Variants in LRP4 observed in about 807,000 individuals in gnomAD.
LRP4 encodes the protein LDL receptor related protein 4.
LRP4 carries 95 observed loss-of-function variants against 220.3 expected under a neutral mutation model. That is an observed-to-expected ratio of 0.43 (90% CI 0.37 to 0.51). The LOEUF is 0.51. LRP4 is among the 20% of genes least tolerant of loss of function. The pLI, the probability that LRP4 is intolerant of heterozygous loss-of-function variation, is 0.00. For missense variants in LRP4, 1,925 were observed against 2,567.0 expected, an observed-to-expected ratio of 0.75 and a Z score of 5.40; for synonymous variants, 903 against 954.6, an observed-to-expected ratio of 0.95 and a Z score of 1.00.
At chr11:46,887,564 G>A (rs1220698770) in intron 16 of LRP4, among the ~76,000 whole-genome samples, 2 of 152,096 alleles carry the variant, frequency 1.3e-5, no homozygotes, top group East Asian at 3.9e-4. Context: ...TGGGCACAGT[G>A]GCTCACGCCT....
In LRP4 at chr11:46,884,761, AT is replaced by A. The variant is rs1357191754; in HGVS notation, c.2507-786del. Among the ~76,000 whole-genome samples, 153 of 115,060 alleles carry A rather than the reference AT, an allele frequency of 1.3e-3. 1 individual carries two copies. The highest frequency in any genetic ancestry group is 4.0e-3 in the African/African-American group (136 of 34,224). The allele number at this position is 115,060 out of a possible 152,430, so 75.5% of individuals were successfully genotyped here. On this transcript the variant is annotated intron_variant, in intron 18 of 37. Coordinates refer to ENST00000378623, the MANE Select transcript of LRP4 (RefSeq NM_002334.4). ...CAAAAAAAAAAAAAAAAAAAAAAAA[AT>A]TAGCTGGGTGTGGTAGTGCACGCCT...
Position 46,869,325 on chromosome 11 carries a change from C to A in LRP4, c.4693-193G>T, listed in dbSNP as rs532099362. Among the ~76,000 whole-genome samples, 123 of 152,334 alleles carry A rather than the reference C, an allele frequency of 8.1e-4. 1 individual carries two copies. Among genetic ancestry groups the A allele is most frequent in the African/African-American group, 2.9e-3 (122 of 41,576 alleles). On this transcript the variant is annotated intron_variant, in intron 31 of 37. Coordinates refer to ENST00000378623, the MANE Select transcript of LRP4 (RefSeq NM_002334.4). ...CCAAATCCATATAGACTTCACCATT[C>A]TCTCCTCTATACAGTTCTGCACCTT...
rs35979071 is a variant in LRP4 at position 46,900,790 on chromosome 11, C to CTT, written c.200-414_200-413dup. ...ACAGGCATGAGCCATGGCGCCTGGC[C>CTT]TTTTTTTTTTTTTTGAAACAGAGTC... On this transcript the variant is annotated intron_variant, in intron 2 of 37. Coordinates refer to ENST00000378623, the MANE Select transcript of LRP4 (RefSeq NM_002334.4). Among the ~76,000 whole-genome samples, 586 of 132,818 alleles carry CTT rather than the reference C, an allele frequency of 4.4e-3. 4 individuals carry two copies. Among genetic ancestry groups the CTT allele is most frequent in the African/African-American group, 0.015 (528 of 36,398 alleles). 87.1% of individuals were successfully genotyped at this position (132,818 alleles called of 152,430 possible).
At position 46,895,936 on chromosome 11, in the gene LRP4, C is replaced by T. The variant is rs1225241249; in HGVS notation, c.1131G>A (p.Gln377=). 9 of 1,613,878 alleles carry T rather than the reference C, an allele frequency of 5.6e-6. No homozygotes were observed. The highest frequency in any genetic ancestry group is 7.6e-6 in the Non-Finnish European group (9 of 1,180,024). The change falls in exon 10 of 38, where the codon CAG becomes CAA. Residue 377 remains glutamine, a synonymous_variant. Transcript: ENST00000378623. ...GCCGGTAGCCTGTGTGGCAGGTACA[C>T]TGCACTGCCCCCCGCACCATCTGGC... The part of the protein sequence containing the change: ...QKCQMVRGAV[Q]CTCHTGYRLT...
Position 46,918,157 on chromosome 11 carries a change from C to T in LRP4, c.52+171G>A, listed in dbSNP as rs1345675823. 6.6e-6 allele frequency among the ~76,000 whole-genome samples: 1 copy of T among 151,964 alleles called. No individual in the cohort carries two copies. Among genetic ancestry groups the T allele is most frequent in the Admixed American group, 6.5e-5 (1 of 15,282 alleles). On this transcript the variant is annotated intron_variant, in intron 1 of 37. Transcript: ENST00000378623. The surrounding 1 kb of genome is among the most constrained non-coding windows in gnomAD (Gnocchi z 6.0). ...GCCTCCGCTGATGCCCCCGCTCGGA[C>T]TGCTGGAGCCGGGGCCGCTCCGGGT...
At chr11:46,904,656 A>C (rs943612302) in intron 1 of LRP4, among the ~76,000 whole-genome samples, 5 of 152,122 alleles carry the variant, frequency 3.3e-5, no homozygotes, top group Non-Finnish European at 7.4e-5. Context: ...ATGCTATGGT[A>C]ATCAGCTGCT....
Position 46,858,801 on chromosome 11 carries a change from T to C in LRP4, c.*182A>G. The C allele has an allele frequency of 1.5e-6, 1 of 662,930 alleles. No homozygotes were observed. 41.1% of individuals were successfully genotyped at this position (662,930 alleles called of 1,614,324 possible). On this transcript the variant is annotated 3_prime_UTR_variant, in exon 38 of 38. Transcript: ENST00000378623. ...ATTCTCGTGATGTGCCATCATTTCT[T>C]GTGCACAGGTAGTTATGGACTCACG...
chr11:46,871,422 A>T, intron 31 of LRP4, 103 bp downstream of exon 31: 1 of 851,454 alleles, frequency 1.2e-6, no homozygotes, highest in Non-Finnish European at 2.0e-6. Context: ...GAGCTGCAAT[A>T]GCACGTCTGT....
chr11:46,877,614 C>T (rs1941052674), intron 22 of LRP4, among the ~76,000 whole-genome samples: 1 of 152,202 alleles, frequency 6.6e-6, no homozygotes, highest in South Asian at 2.1e-4. Context: ...ACTACAGGCA[C>T]ACACCACCAT....
At chr11:46,894,262 G>A (rs1249290010) in intron 12 of LRP4, among the ~76,000 whole-genome samples, 3 of 152,016 alleles carry the variant, frequency 2.0e-5, no homozygotes, top group Non-Finnish European at 4.4e-5. Flanking sequence ...TTAATACTAA[G>A]CAATCGAAAC....
At position 46,883,314 on chromosome 11, in the gene LRP4, A is replaced by G. The variant is rs544728151; in HGVS notation, c.2612+557T>C. 3.3e-5 allele frequency among the ~76,000 whole-genome samples: 5 copies of G among 152,348 alleles called. No individual in the cohort carries two copies. In the South Asian group the frequency reaches 6.2e-4, roughly 19 times the overall value. On this transcript the variant is annotated intron_variant, in intron 19 of 37. Coordinates refer to ENST00000378623, the MANE Select transcript of LRP4 (RefSeq NM_002334.4). The stretch of plus-strand genomic sequence containing the variant: ...GCACTGTGACATGTTCATGATGGCC[A>G]TAACGCCCACACTGGAAGGTTGTGG...
Position 46,889,965 on chromosome 11 carries a change from G to T in LRP4, c.2071C>A (p.His691Asn). The change falls in exon 15 of 38, where the codon CAC (histidine) becomes AAC (asparagine). Residue 691 changes from histidine (H) to asparagine (N), a missense_variant. Transcript: ENST00000378623. ...LHFPMDIHTL[H>N]PQRQPAGKNR... The stretch of plus-strand genomic sequence containing the variant: ...TTACCTGCAGGTTGGCGCTGGGGGT[G>T]CAAGGTGTGGATGTCCATAGGGAAG... 6.2e-7 allele frequency: 1 copy of T among 1,614,196 alleles called. No individual in the cohort carries two copies. Among genetic ancestry groups the T allele is most frequent in the Non-Finnish European group, 8.5e-7 (1 of 1,180,038 alleles).
In LRP4 at chr11:46,918,101, C is replaced by T. The variant is rs1941978903; in HGVS notation, c.52+227G>A. 6.6e-6 allele frequency among the ~76,000 whole-genome samples: 1 copy of T among 151,986 alleles called. No homozygotes were observed. Among genetic ancestry groups the T allele is most frequent in the Non-Finnish European group, 1.5e-5 (1 of 67,970 alleles). Reference sequence around the variant, plus strand: ...TTACCCGCGCCCCGGCCCAGACCCGCGCCCCGGCCCAGACCCGAACCCGCG... The same window carrying T: ...TTACCCGCGCCCCGGCCCAGACCCGTGCCCCGGCCCAGACCCGAACCCGCG... On this transcript the variant is annotated intron_variant, in intron 1 of 37. Coordinates refer to ENST00000378623, the MANE Select transcript of LRP4 (RefSeq NM_002334.4). The surrounding 1 kb of genome is among the most constrained non-coding windows in gnomAD (Gnocchi z 6.0).
rs757321183 is a variant in LRP4 at position 46,868,014 on chromosome 11, G to C, written c.5052C>G (p.Thr1684=). 6.2e-7 allele frequency: 1 copy of C among 1,614,136 alleles called. No individual in the cohort carries two copies. The highest frequency in any genetic ancestry group is 1.1e-5 in the South Asian group (1 of 91,080). ...TPPTTLYSST[T]RTRTSLEEVE... ...CCTCCTCCAGAGACGTGCGGGTCCG[G>C]GTGGTTGAAGAATACAAGGTGGTAG... is the stretch of plus-strand genomic sequence containing the variant. Residue 1684 remains threonine (T), a synonymous_variant, in exon 34 of 38, where the codon ACC becomes ACG. Coordinates refer to ENST00000378623, the MANE Select transcript of LRP4 (RefSeq NM_002334.4).
At position 46,898,992 on chromosome 11, in the gene LRP4, G is replaced by A. The variant is rs1456559859; in HGVS notation, c.588C>T (p.Phe196=). Reference sequence around the variant, plus strand: ...GGATGCAGCGTCCATAGGCACACTGGAACTCCTCCAGGTTGCAGGGGGGCG... The same window carrying A: ...GGATGCAGCGTCCATAGGCACACTGAAACTCCTCCAGGTTGCAGGGGGGCG... ...VPAPPCNLEE[F]QCAYGRCILD... is the part of the protein sequence containing the mutation. Residue 196 remains phenylalanine (F), a synonymous_variant, in exon 6 of 38, where the codon TTC becomes TTT. Transcript: ENST00000378623. The A allele has an allele frequency of 1.2e-6, 2 of 1,613,754 alleles. No homozygotes were observed. The highest frequency in any genetic ancestry group is 8.5e-7 in the Non-Finnish European group (1 of 1,179,982).
chr11:46,865,067 C>T (rs868567863), intron 35 of LRP4, 52 bp downstream of exon 35: 1 of 1,460,644 alleles, frequency 6.8e-7, no homozygotes. Context: ...TCAGTGGAGA[C>T]TTAGATTCAT....
intron 2 of LRP4, among the ~76,000 whole-genome samples, chr11:46,901,930 T>G (rs917476549): frequency 6.6e-5 from 10 of 151,960 alleles, no homozygotes; most frequent in Non-Finnish European, 1.2e-4. Flanking sequence ...AGACAGGGTT[T>G]CAGCGTATTA....
chr11:46,873,257 T>C lies in LRP4; in HGVS notation c.4449-23A>G. The C allele has an allele frequency of 1.2e-6, 2 of 1,614,126 alleles. No homozygotes were observed. Among genetic ancestry groups the C allele is most frequent in the Non-Finnish European group, 1.7e-6 (2 of 1,180,010 alleles). On this transcript the variant is annotated intron_variant, in intron 29 of 37. Coordinates refer to ENST00000378623, the MANE Select transcript of LRP4 (RefSeq NM_002334.4). The surrounding 1 kb of genome is among the most constrained non-coding windows in gnomAD (Gnocchi z 4.2). ...TACCTGAGACACAACAGTGCCATCA[T>C]CATCAAGGCATGGGAAGACAGCACC...
Position 46,895,965 on chromosome 11 carries a change from T to C in LRP4, c.1102A>G (p.Lys368Glu). The change falls in exon 10 of 38, where the codon AAG becomes GAG. Residue 368 changes from lysine (K) to glutamate (E), a missense_variant. Around this residue, in one of 3 missense-constraint regions of LRP4, gnomAD observed 269 missense variants for 436.7 expected, o/e 0.62. Transcript: ENST00000378623. The part of the protein sequence containing the change: ...CNVNNGGCAQ[K>E]CQMVRGAVQC... Reference sequence around the variant, plus strand: ...ACTGCCCCCCGCACCATCTGGCACTTCTGGGCACAGCCACCGTTGTTAACA... The same window carrying C: ...ACTGCCCCCCGCACCATCTGGCACTCCTGGGCACAGCCACCGTTGTTAACA... 1 of 1,614,110 alleles carries C rather than the reference T, an allele frequency of 6.2e-7. No homozygotes were observed.
Sources: allele counts gnomAD v4.1 joint callset (sites outside exome capture counted in the v4.1 genomes callset), GRCh38; gene constraint gnomAD v4.1.1; regional missense constraint gnomAD v4.1.1; non-coding constraint Gnocchi (gnomAD v3.1); transcripts MANE v1.5; gene names NCBI Gene and HGNC (gene_info 2026-07-23, HGNC 2026-07-21).